The following GRIA2 variants were observed in gnomAD, a reference collection of about 807,000 sequenced individuals.
GRIA2 encodes the protein glutamate receptor 2.
In GRIA2, 14 loss-of-function variants were observed where a neutral mutation model predicts 97.3. That is an observed-to-expected ratio of 0.14 (90% CI 0.10 to 0.23). The LOEUF (loss-of-function observed/expected upper bound fraction) is 0.23, where lower values mean the gene tolerates loss of function less well. GRIA2 is among the 10% of genes least tolerant of loss of function. GRIA2 has a pLI of 1.00. For missense variants in GRIA2, 558 were observed against 1,069.8 expected, an observed-to-expected ratio of 0.52 and a Z score of 6.67; for synonymous variants, 412 against 387.8, an observed-to-expected ratio of 1.06 and a Z score of -0.73.
intron 2 of GRIA2, among the ~76,000 whole-genome samples, chr4:157,240,706 T>C (rs553229128): frequency 1.2e-3 from 185 of 152,196 alleles, no homozygotes; most frequent in African/African-American, 3.8e-3. Flanking sequence ...TACTTTCTTT[T>C]TTTTTTTCTT....
intron 2 of GRIA2, among the ~76,000 whole-genome samples, chr4:157,262,374 T>A (rs1731580227): frequency 6.6e-6 from 1 of 151,810 alleles, no homozygotes; most frequent in Non-Finnish European, 1.5e-5. Flanking sequence ...TAATGGTAAC[T>A]TTTTTTTGCT....
chr4:157,332,129 G>A (rs1409682456), intron 6 of GRIA2, among the ~76,000 whole-genome samples: 1 of 152,040 alleles, frequency 6.6e-6, no homozygotes, highest in Non-Finnish European at 1.5e-5. Flanking sequence ...CACTGACAAT[G>A]CCTTGTACAC....
intron 2 of GRIA2, among the ~76,000 whole-genome samples, chr4:157,280,082 G>T (rs1047185592): frequency 3.3e-5 from 5 of 152,124 alleles, no homozygotes; most frequent in African/African-American, 1.2e-4. Context: ...CCGAGATCAC[G>T]CCACTGCACT....
intron 12 of GRIA2, among the ~76,000 whole-genome samples, chr4:157,359,501 T>A (rs1275648748): frequency 6.6e-6 from 1 of 152,162 alleles, no homozygotes; most frequent in Non-Finnish European, 1.5e-5. Context: ...ATTACACAGA[T>A]CCTGTTCTAC....
intron 6 of GRIA2, among the ~76,000 whole-genome samples, chr4:157,328,382 C>A (rs1403783203): frequency 6.6e-6 from 1 of 152,022 alleles, no homozygotes; most frequent in Non-Finnish European, 1.5e-5. Flanking sequence ...GTGCCTCTGT[C>A]TCTTAGAGAT....
At chr4:157,234,560 G>T (rs1362434943) in intron 2 of GRIA2, among the ~76,000 whole-genome samples, 1 of 152,078 alleles carries the variant, frequency 6.6e-6, no homozygotes, top group Non-Finnish European at 1.5e-5. Context: ...GTGAATATCT[G>T]ATACTATTCA....
intron 2 of GRIA2, among the ~76,000 whole-genome samples, chr4:157,256,635 A>G (rs1243081823): frequency 6.6e-6 from 1 of 151,868 alleles, no homozygotes; most frequent in African/African-American, 2.4e-5. Context: ...CCTCCTTTTA[A>G]GAGAATTAAT....
intron 12 of GRIA2, among the ~76,000 whole-genome samples, chr4:157,357,366 G>C (rs958846532): frequency 6.6e-6 from 1 of 152,050 alleles, no homozygotes; most frequent in African/African-American, 2.4e-5. Context: ...CTCTTGAAAA[G>C]ATAGGGTCAT....
chr4:157,220,621 C>A (rs78957301), upstream of GRIA2: 8,036 of 154,692 alleles, frequency 0.052, 349 homozygotes, highest in African/African-American at 0.12. Flanking sequence ...CTGCCCCTCT[C>A]TGTGACTTGC....
At chr4:157,291,744 A>G (rs534699220) in intron 2 of GRIA2, among the ~76,000 whole-genome samples, 1 of 152,110 alleles carries the variant, frequency 6.6e-6, no homozygotes, top group South Asian at 2.1e-4. Flanking sequence ...ACAAAGTAGA[A>G]AGTTCCAAAA....
chr4:157,322,705 A>G (rs1249547905), intron 6 of GRIA2, among the ~76,000 whole-genome samples: 1 of 152,186 alleles, frequency 6.6e-6, no homozygotes, highest in Non-Finnish European at 1.5e-5. Context: ...TATGAAAATT[A>G]AGAGCAAAAG....
intron 2 of GRIA2, among the ~76,000 whole-genome samples, chr4:157,258,515 A>G (rs1336938055): frequency 6.6e-6 from 1 of 152,052 alleles, no homozygotes; most frequent in African/African-American, 2.4e-5. Context: ...GATAAGATAT[A>G]TCAATGACAA....
chr4:157,285,557 T>TTG (rs149477258), intron 2 of GRIA2, among the ~76,000 whole-genome samples: 8,119 of 147,266 alleles, frequency 0.055, 237 homozygotes, highest in Admixed American at 0.095. Flanking sequence ...CCTATAATAT[T>TTG]TGTGTGTGTG....
intron 2 of GRIA2, among the ~76,000 whole-genome samples, chr4:157,230,324 A>G (rs1189843058): frequency 3.9e-5 from 6 of 152,192 alleles, no homozygotes; most frequent in Non-Finnish European, 8.8e-5. Flanking sequence ...TGTTCAAACA[A>G]ATAGTTTCAA....
At chr4:157,356,732 C>A (rs1003676225) in intron 12 of GRIA2, among the ~76,000 whole-genome samples, 1 of 152,156 alleles carries the variant, frequency 6.6e-6, no homozygotes, top group South Asian at 2.1e-4. Flanking sequence ...TAGTTGACCA[C>A]ATGGTATTAC....
At chr4:157,230,263 T>A (rs1310853025) in intron 2 of GRIA2, among the ~76,000 whole-genome samples, 1 of 108,264 alleles carries the variant, frequency 9.2e-6, no homozygotes, top group Non-Finnish European at 2.1e-5. Context: ...ATGTCAACAA[T>A]TTTTTTATAT....
intron 11 of GRIA2, among the ~76,000 whole-genome samples, chr4:157,338,025 TATATATATATATATATATATATATAC>T (rs1289220945): frequency 1.6e-3 from 19 of 12,046 alleles, no homozygotes; most frequent in Admixed American, 5.1e-3. Context: ...TATATATATA[TATATATATATATATATATATATATAC>T]ACACACATTT....
At chr4:157,265,811 A>G (rs768919695) in intron 2 of GRIA2, among the ~76,000 whole-genome samples, 1 of 152,126 alleles carries the variant, frequency 6.6e-6, no homozygotes, top group Non-Finnish European at 1.5e-5. Flanking sequence ...TAAAATGACA[A>G]CAATAGAAAG....
At chr4:157,319,763 A>T (rs146305657) in intron 5 of GRIA2, among the ~76,000 whole-genome samples, 1 of 152,242 alleles carries the variant, frequency 6.6e-6, no homozygotes, top group Admixed American at 6.5e-5. Context: ...TCTGCAGATA[A>T]TATTATTGAT....
Sources: gnomAD v4.1 joint callset for allele counts (sites outside exome capture counted in the v4.1 genomes callset) on GRCh38, gnomAD v4.1.1 for gene constraint, MANE v1.5 for transcripts, NCBI Gene and HGNC (gene_info 2026-07-23, HGNC 2026-07-21) for gene names.